Variants in TRIO observed in about 807,000 individuals in gnomAD.
The protein encoded by TRIO is triple functional domain protein.
Under a neutral mutation model 351.9 loss-of-function variants are expected in TRIO, and 58 were observed. That is an observed-to-expected ratio of 0.16 (90% CI 0.13 to 0.21). TRIO has a LOEUF of 0.21. TRIO is among the 10% of genes least tolerant of loss of function. The pLI, the probability that TRIO is intolerant of heterozygous loss-of-function variation, is 1.00. For synonymous variants in TRIO, 1,758 were observed against 1,595.7 expected, an observed-to-expected ratio of 1.10 and a Z score of -2.42; for missense variants, 3,201 against 4,027.8, an observed-to-expected ratio of 0.79 and a Z score of 5.56.
chr5:14,296,926 A>G (rs1050919188), intron 6 of TRIO, 146 bp from the exon 7 acceptor site: 1 of 555,494 alleles, frequency 1.8e-6, no homozygotes, highest in African/African-American at 1.9e-5. Flanking sequence ...AATATGTATA[A>G]TATTATATAT....
intron 31 of TRIO, 102 bp downstream of exon 31, chr5:14,401,166 T>TG: frequency 1.0e-6 from 1 of 970,860 alleles, no homozygotes; most frequent in Non-Finnish European, 1.5e-6. Flanking sequence ...TTGTTGTTGT[T>TG]GTTTGTGTGT....
chr5:14,439,828 C>T (rs536180757), intron 34 of TRIO, among the ~76,000 whole-genome samples: 3 of 152,294 alleles, frequency 2.0e-5, no homozygotes, highest in African/African-American at 7.2e-5. Flanking sequence ...CCAGACTCCC[C>T]TCTGCAGCAG....
Position 14,462,895 on chromosome 5 carries a change from C to A in TRIO, c.5637C>A (p.Ser1879Arg). 6.2e-7 allele frequency: 1 copy of A among 1,604,420 alleles called. No individual in the cohort carries two copies. The highest frequency in any genetic ancestry group is 1.1e-5 in the South Asian group (1 of 89,468). Reference protein sequence around the residue: ...LPPPMAIQQHSLLQPDSQDDK... With the variant: ...LPPPMAIQQHRLLQPDSQDDK... Reference sequence around the variant, plus strand: ...CACCCATGGCCATCCAGCAGCACAGCCTCCTCCAGCCAGACTCACAGGATG... The same window carrying A: ...CACCCATGGCCATCCAGCAGCACAGACTCCTCCAGCCAGACTCACAGGATG... Residue 1879 changes from serine (S) to arginine (R), a missense_variant, in exon 36 of 57, where the codon AGC (serine) becomes AGA (arginine). Physicochemically the swap from Ser to Arg is moderately radical, Grantham distance 110. Coordinates refer to ENST00000344204, the MANE Select transcript of TRIO (RefSeq NM_007118.4).
chr5:14,353,352 C>T (rs900079077), intron 11 of TRIO, among the ~76,000 whole-genome samples: 4 of 150,558 alleles, frequency 2.7e-5, no homozygotes, highest in Non-Finnish European at 5.9e-5. Context: ...CACCCTCTGC[C>T]TCCCAATTCA....
At position 14,201,677 on chromosome 5, in the gene TRIO, A is replaced by C. The variant is rs573990177; in HGVS notation, c.157+57795A>C. Reference sequence around the variant, plus strand: ...TTCACTTAGTCAGATTTACTTGGAAATATTAATGAATTTGTTCTGCTCATT... The same window carrying C: ...TTCACTTAGTCAGATTTACTTGGAACTATTAATGAATTTGTTCTGCTCATT... On this transcript the variant is annotated intron_variant, in intron 1 of 56. Transcript: ENST00000344204. 2.0e-5 allele frequency among the ~76,000 whole-genome samples: 3 copies of C among 152,288 alleles called. No individual in the cohort carries two copies. The South Asian group carries it at 6.2e-4, about 32-fold the overall frequency.
intron 34 of TRIO, among the ~76,000 whole-genome samples, chr5:14,426,737 G>C (rs1750672615): frequency 1.3e-5 from 2 of 152,204 alleles, no homozygotes; most frequent in South Asian, 2.1e-4. Flanking sequence ...TTCAGCAGGG[G>C]GTTGCGGGGG....
chr5:14,427,744 G>A (rs1292389701), intron 34 of TRIO, among the ~76,000 whole-genome samples: 1 of 152,194 alleles, frequency 6.6e-6, no homozygotes, highest in African/African-American at 2.4e-5. Context: ...AGTCTGAAAT[G>A]ACCTGCCGAT....
intron 43 of TRIO, among the ~76,000 whole-genome samples, chr5:14,481,005 A>G (rs1263001380): frequency 6.6e-6 from 1 of 151,488 alleles, no homozygotes; most frequent in Admixed American, 6.6e-5. Context: ...AAAGTGCTGA[A>G]CCCCAATGTC....
At chr5:14,492,420 G>T in intron 48 of TRIO, 147 bp from the exon 49 acceptor site, 6 of 1,047,970 alleles carry the variant, frequency 5.7e-6, no homozygotes, top group African/African-American at 1.6e-5. Context: ...AGAGGGTAAA[G>T]GAAATGTTGA....
chr5:14,358,240 G>A lies in TRIO; in HGVS notation c.2109G>A (p.Val703=), dbSNP rs1430951136. 1 of 1,614,186 alleles carries A rather than the reference G, an allele frequency of 6.2e-7. No individual in the cohort carries two copies. Among genetic ancestry groups the A allele is most frequent in the South Asian group, 1.1e-5 (1 of 91,072 alleles). The part of the protein sequence containing the change: ...ELLDDVYAES[V]EAVQDLIKRF... ...TGGACGACGTGTATGCCGAGTCGGT[G>A]GAGGCCGTGCAGGACCTCATCAAGC... Residue 703 remains valine, a synonymous_variant, in exon 12 of 57, where the codon GTG becomes GTA. Transcript: ENST00000344204.
At position 14,441,651 on chromosome 5, in the gene TRIO, T is replaced by C. The variant is rs148847577; in HGVS notation, c.5204-19368T>C. ...ACTGCTTTTTATTATCCCTTTTTCT[T>C]ATAAATGGCATGTAAAGAGTGTAAA... On this transcript the variant is annotated intron_variant, in intron 34 of 56. Transcript: ENST00000344204. Among the ~76,000 whole-genome samples, 777 of 152,344 alleles carry C rather than the reference T, an allele frequency of 5.1e-3. 10 individuals are homozygous for C. The highest frequency in any genetic ancestry group is 0.024 in the Admixed American group (371 of 15,306).
intron 10 of TRIO, among the ~76,000 whole-genome samples, chr5:14,335,211 C>G (rs1741286213): frequency 6.6e-6 from 1 of 152,186 alleles, no homozygotes; most frequent in African/African-American, 2.4e-5. Context: ...CAGGTATTGG[C>G]TTACTTGTGT....
Position 14,301,176 on chromosome 5 carries a change from G to A in TRIO, c.1369-3285G>A, listed in dbSNP as rs78074050. 4.5e-3 allele frequency among the ~76,000 whole-genome samples: 689 copies of A among 152,184 alleles called. 5 individuals are homozygous for A. Among genetic ancestry groups the A allele is most frequent in the Admixed American group, 7.7e-3 (117 of 15,284 alleles). ...ATTTATCCAAGTTCTCCTCTTAAAAGCTATGTATATGAATCACTGTTCCCC... is the reference window on the plus strand; with the variant it reads ...ATTTATCCAAGTTCTCCTCTTAAAAACTATGTATATGAATCACTGTTCCCC... On this transcript the variant is annotated intron_variant, in intron 7 of 56. Coordinates refer to ENST00000344204, the MANE Select transcript of TRIO (RefSeq NM_007118.4).
chr5:14,306,451 G>A (rs1379826419), intron 8 of TRIO, among the ~76,000 whole-genome samples: 1 of 152,090 alleles, frequency 6.6e-6, no homozygotes, highest in Admixed American at 6.5e-5. Context: ...GTTCTTTCCC[G>A]TGATGTGCCA....
At chr5:14,229,757 A>T (rs988453532) in intron 1 of TRIO, among the ~76,000 whole-genome samples, 4 of 152,218 alleles carry the variant, frequency 2.6e-5, no homozygotes, top group Non-Finnish European at 5.9e-5. Context: ...TGAAAACACG[A>T]AAATAGCGCT....
intron 31 of TRIO, among the ~76,000 whole-genome samples, chr5:14,402,936 G>C (rs1411444611): frequency 6.6e-6 from 1 of 152,086 alleles, no homozygotes; most frequent in African/African-American, 2.4e-5. Flanking sequence ...AGATGGTGTG[G>C]TGAGAGCGTA....
At chr5:14,256,333 C>T (rs1581460436) in intron 1 of TRIO, among the ~76,000 whole-genome samples, 1 of 152,308 alleles carries the variant, frequency 6.6e-6, no homozygotes, top group South Asian at 2.1e-4. Context: ...ACACCTCCCA[C>T]CACGCCCCAC....
chr5:14,348,361 C>A (rs764668341), intron 11 of TRIO, among the ~76,000 whole-genome samples: 4 of 152,166 alleles, frequency 2.6e-5, no homozygotes, highest in Non-Finnish European at 5.9e-5. Flanking sequence ...GATGAAATAC[C>A]ATTTCTGGGG....
At chr5:14,337,428 CCTTA>C (rs1256383576) in intron 11 of TRIO, among the ~76,000 whole-genome samples, 3 of 152,300 alleles carry the variant, frequency 2.0e-5, no homozygotes, top group East Asian at 3.9e-4. Flanking sequence ...ACTTACCACA[CCTTA>C]CTTCTGTGTA....
Sources: allele counts gnomAD v4.1 joint callset (sites outside exome capture counted in the v4.1 genomes callset), GRCh38; gene constraint gnomAD v4.1.1; transcripts MANE v1.5; gene names NCBI Gene and HGNC (gene_info 2026-07-23, HGNC 2026-07-21).